The following TACR3 variants were observed in gnomAD, a reference collection of about 807,000 sequenced individuals.
TACR3 encodes neuromedin-K receptor.
In TACR3, 34 loss-of-function variants were observed where a neutral mutation model predicts 35.0. That is an observed-to-expected ratio of 0.97 (90% confidence interval 0.74 to 1.30). TACR3 has a LOEUF of 1.30. Among genes scored for constraint, TACR3 ranks in the 50% most tolerant of loss-of-function variants. The pLI is 0.00. For missense variants in TACR3, 558 were observed against 591.7 expected (o/e 0.94, Z 0.59); for synonymous variants, 233 against 221.1 (o/e 1.05, Z -0.48).
chr4:103,640,901 T>C (rs2110319500), intron 3 of TACR3, among the ~76,000 whole-genome samples: 1 of 152,118 alleles, frequency 6.6e-6, no homozygotes, highest in Non-Finnish European at 1.5e-5. Flanking sequence ...CAGAAGATTT[T>C]AGTTTAATGC....
In TACR3 at chr4:103,589,802, C is replaced by T; in HGVS notation, c.1278G>A (p.Lys426=). Residue 426 remains lysine, a synonymous_variant, in exon 5 of 5, where the codon AAG becomes AAA. Transcript: ENST00000304883. ...TTGGGTCTCTTGGCGTTGCTCTTTT[C>T]TTCCGACTGGACCTGGTGGTGTCTG... ...NDADTTRSSR[K]KRATPRDPSF... 1.2e-6 allele frequency: 2 copies of T among 1,613,978 alleles called. No homozygotes were observed. The highest frequency in any genetic ancestry group is 8.5e-7 in the Non-Finnish European group (1 of 1,179,880).
At chr4:103,676,616 G>A (rs2189221) in intron 1 of TACR3, among the ~76,000 whole-genome samples, 7,368 of 152,222 alleles carry the variant, frequency 0.048, 481 homozygotes, top group African/African-American at 0.14. Flanking sequence ...AAGCAGTGGG[G>A]AAAGGATTCT....
At chr4:103,649,107 T>G (rs1725526511) in intron 3 of TACR3, among the ~76,000 whole-genome samples, 2 of 152,138 alleles carry the variant, frequency 1.3e-5, no homozygotes, top group South Asian at 4.1e-4. Context: ...TCTATTCAGA[T>G]CCTTTGCCCA....
intron 1 of TACR3, among the ~76,000 whole-genome samples, chr4:103,691,573 G>T (rs533305009): frequency 6.6e-6 from 1 of 152,122 alleles, no homozygotes; most frequent in Non-Finnish European, 1.5e-5. Flanking sequence ...AAATCTGTAT[G>T]TTGGCAGCAG....
intron 1 of TACR3, among the ~76,000 whole-genome samples, chr4:103,698,542 T>TTTTTTTTTCC (rs1722578023): frequency 6.6e-6 from 1 of 151,690 alleles, no homozygotes; most frequent in Non-Finnish European, 1.5e-5. Context: ...TTTTCTTTTC[T>TTTTTTTTTCC]TTTTTTTCTT....
intron 1 of TACR3, among the ~76,000 whole-genome samples, chr4:103,713,441 G>A (rs1371828121): frequency 7.8e-6 from 1 of 128,938 alleles, no homozygotes; most frequent in Non-Finnish European, 1.6e-5. Context: ...ATGGACACAG[G>A]AAGGGGAACA....
chr4:103,654,755 A>C (rs1018145044), intron 3 of TACR3, among the ~76,000 whole-genome samples: 1 of 152,120 alleles, frequency 6.6e-6, no homozygotes, highest in African/African-American at 2.4e-5. Context: ...TACTATAGAG[A>C]AATTATTCTG....
chr4:103,639,193 A>T (rs1725285237), intron 3 of TACR3, among the ~76,000 whole-genome samples: 1 of 152,134 alleles, frequency 6.6e-6, no homozygotes, highest in Non-Finnish European at 1.5e-5. Context: ...ACTAACCCAA[A>T]TGTCCAACAA....
Position 103,656,309 on chromosome 4 carries a change from A to G in TACR3, c.773T>C (p.Phe258Ser). 1.2e-6 allele frequency: 2 copies of G among 1,612,832 alleles called. No homozygotes were observed. Among genetic ancestry groups the G allele is most frequent in the Non-Finnish European group, 1.7e-6 (2 of 1,179,114 alleles). ...HIIVIILVYC[F>S]PLLIMGITYT... ...TGTAATACCCATGATGAGCAATGGG[A>G]AACAGTACACCAGTATAATGACGAT... The change falls in exon 3 of 5, where the codon TTC becomes TCC. Residue 258 changes from phenylalanine (F) to serine (S), a missense_variant. Transcript: ENST00000304883.
chr4:103,693,238 T>A (rs2110218156), intron 1 of TACR3, among the ~76,000 whole-genome samples: 1 of 152,334 alleles, frequency 6.6e-6, no homozygotes, highest in South Asian at 2.1e-4. Context: ...TTATTTTATA[T>A]CACTGATTAA....
chr4:103,643,904 A>G (rs913524955), intron 3 of TACR3, among the ~76,000 whole-genome samples: 5 of 151,778 alleles, frequency 3.3e-5, no homozygotes, highest in African/African-American at 1.2e-4. Context: ...CAGATAACCC[A>G]TAGAGAACCT....
At chr4:103,607,252 G>T (rs1432711964) in intron 3 of TACR3, among the ~76,000 whole-genome samples, 1 of 152,012 alleles carries the variant, frequency 6.6e-6, no homozygotes, top group East Asian at 1.9e-4. Context: ...CCATATCATT[G>T]CCTATGCATT....
At chr4:103,628,989 A>C (rs1260705268) in intron 3 of TACR3, among the ~76,000 whole-genome samples, 1 of 152,172 alleles carries the variant, frequency 6.6e-6, no homozygotes, top group African/African-American at 2.4e-5. Context: ...TTCAACAGAC[A>C]CAAATCAATA....
At chr4:103,597,076 C>T (rs9685723) in intron 3 of TACR3, among the ~76,000 whole-genome samples, 5,184 of 151,946 alleles carry the variant, frequency 0.034, 313 homozygotes, top group African/African-American at 0.12. Context: ...GTGCATGCGT[C>T]TTTATAGCAG....
chr4:103,674,966 A>C (rs139697746), intron 1 of TACR3, among the ~76,000 whole-genome samples: 2 of 152,346 alleles, frequency 1.3e-5, no homozygotes, highest in African/African-American at 4.8e-5. Flanking sequence ...TTATCCTCCT[A>C]AAGAATGAAT....
chr4:103,691,564 A>C (rs1217754491), intron 1 of TACR3, among the ~76,000 whole-genome samples: 1 of 152,040 alleles, frequency 6.6e-6, no homozygotes, highest in Non-Finnish European at 1.5e-5. Context: ...AAAAATCTTA[A>C]ATCTGTATGT....
chr4:103,611,910 A>G (rs190730641), intron 3 of TACR3, among the ~76,000 whole-genome samples: 1 of 152,130 alleles, frequency 6.6e-6, no homozygotes, highest in East Asian at 1.9e-4. Flanking sequence ...AGACATCAAA[A>G]TAAGTCTTAT....
intron 3 of TACR3, among the ~76,000 whole-genome samples, chr4:103,639,453 AG>A (rs1725294805): frequency 6.6e-6 from 1 of 151,508 alleles, no homozygotes; most frequent in Non-Finnish European, 1.5e-5. Flanking sequence ...GGGTGGGGAG[AG>A]GGGGGAGGGA....
chr4:103,607,014 G>T (rs1218889129), intron 3 of TACR3, among the ~76,000 whole-genome samples: 1 of 152,090 alleles, frequency 6.6e-6, no homozygotes, highest in African/African-American at 2.4e-5. Flanking sequence ...CTAATTTATT[G>T]AGAGTTTTTA....
Sources: gnomAD v4.1 joint callset for allele counts (sites outside exome capture counted in the v4.1 genomes callset) on GRCh38, gnomAD v4.1.1 for gene constraint, MANE v1.5 for transcripts, NCBI Gene and HGNC (gene_info 2026-07-23, HGNC 2026-07-21) for gene names.